Variants in RBPJ observed in about 807,000 individuals in gnomAD.
RBPJ encodes recombining binding protein suppressor of hairless.
Under a neutral mutation model 67.8 loss-of-function variants are expected in RBPJ, and 9 were observed. The ratio of observed to expected loss-of-function variants is 0.13; its 90% CI spans 0.08 to 0.23. The LOEUF (loss-of-function observed/expected upper bound fraction) is 0.23, where lower values mean the gene tolerates loss of function less well. Ranked by LOEUF, RBPJ falls within the 10% of genes least tolerant of loss-of-function variation. RBPJ has a pLI of 1.00. For synonymous variants in RBPJ, 198 were observed against 203.3 expected, an observed-to-expected ratio of 0.97 and a Z score of 0.22; for missense variants, 305 against 595.6, an observed-to-expected ratio of 0.51 and a Z score of 5.08.
intron 1 of RBPJ, among the ~76,000 whole-genome samples, chr4:26,335,572 A>G (rs953940379): frequency 3.4e-5 from 5 of 145,220 alleles, no homozygotes; most frequent in African/African-American, 1.3e-4. Context: ...CTCATAGACT[A>G]TTGTCACAGC....
intron 1 of RBPJ, among the ~76,000 whole-genome samples, chr4:26,212,935 C>G (rs146897291): frequency 1.6e-3 from 251 of 152,240 alleles, no homozygotes; most frequent in African/African-American, 5.8e-3. Flanking sequence ...GGAAGATGAA[C>G]AAGAACTCAT....
intron 1 of RBPJ, among the ~76,000 whole-genome samples, chr4:26,267,658 A>C (rs962735111): frequency 2.0e-4 from 30 of 152,034 alleles, no homozygotes; most frequent in African/African-American, 5.8e-4. Context: ...CCCAGGCTGG[A>C]GTACAGTGGC....
intron 2 of RBPJ, among the ~76,000 whole-genome samples, chr4:26,396,866 T>C (rs1279727045): frequency 6.6e-6 from 1 of 152,214 alleles, no homozygotes; most frequent in Non-Finnish European, 1.5e-5. Flanking sequence ...TACTGTTGTT[T>C]AGCTTTGGTC....
At chr4:26,204,815 T>G (rs1182684233) in intron 1 of RBPJ, among the ~76,000 whole-genome samples, 1 of 152,218 alleles carries the variant, frequency 6.6e-6, no homozygotes. Flanking sequence ...AGACAGTAAG[T>G]GCTCAATAAA....
At chr4:26,194,844 C>T (rs1717693935) in intron 1 of RBPJ, among the ~76,000 whole-genome samples, 1 of 152,134 alleles carries the variant, frequency 6.6e-6, no homozygotes, top group South Asian at 2.1e-4. Flanking sequence ...TCTCTGCTGC[C>T]CTGGTTTTGC....
At chr4:26,418,430 C>T (rs1734804133) in intron 4 of RBPJ, among the ~76,000 whole-genome samples, 6 of 152,094 alleles carry the variant, frequency 3.9e-5, no homozygotes, top group Admixed American at 3.9e-4. Flanking sequence ...ATAAAATTAT[C>T]TTGATTATGA....
chr4:26,282,109 C>T (rs899115522), intron 1 of RBPJ, among the ~76,000 whole-genome samples: 14 of 148,414 alleles, frequency 9.4e-5, no homozygotes, highest in South Asian at 2.1e-4. Context: ...TAAATAATTG[C>T]CTTCATTCGT....
intron 1 of RBPJ, among the ~76,000 whole-genome samples, chr4:26,177,387 G>T (rs1384737265): frequency 6.6e-6 from 1 of 152,044 alleles, no homozygotes; most frequent in Non-Finnish European, 1.5e-5. Flanking sequence ...ACAAGCCTGG[G>T]CAACATGGTG....
At chr4:26,228,704 C>T (rs117742372) in intron 1 of RBPJ, among the ~76,000 whole-genome samples, 76 of 152,306 alleles carry the variant, frequency 5.0e-4, no homozygotes, top group East Asian at 4.4e-3. Flanking sequence ...GGAATTCTCC[C>T]GTAGGGGATA....
chr4:26,260,151 A>G (rs1276943421), intron 1 of RBPJ, among the ~76,000 whole-genome samples: 3 of 152,248 alleles, frequency 2.0e-5, no homozygotes, highest in Non-Finnish European at 4.4e-5. Flanking sequence ...TTTTCATAGT[A>G]TGCATTTTTA....
the RBPJ span, among the ~76,000 whole-genome samples, chr4:26,108,625 G>A: frequency 6.6e-6 from 1 of 152,362 alleles, no homozygotes; most frequent in East Asian, 1.9e-4. Context: ...AGGGTTTATG[G>A]GAGTATTAAA....
chr4:26,209,047 A>G (rs1327145573), intron 1 of RBPJ, among the ~76,000 whole-genome samples: 2 of 151,594 alleles, frequency 1.3e-5, no homozygotes, highest in African/African-American at 4.9e-5. Flanking sequence ...ATTCAGATAT[A>G]AAGACAGTAT....
upstream of RBPJ, chr4:26,320,503 A>C: frequency 2.6e-5 from 12 of 453,490 alleles, no homozygotes; most frequent in Non-Finnish European, 3.6e-5. Context: ...CGCCCAGGGA[A>C]CGTTTGAATG....
At chr4:26,126,879 C>T in the RBPJ span, among the ~76,000 whole-genome samples, 4 of 152,182 alleles carry the variant, frequency 2.6e-5, no homozygotes, top group African/African-American at 9.6e-5. Context: ...AATTTAAGGC[C>T]AGCTGCCATT....
chr4:26,430,408 G>C lies in RBPJ; in HGVS notation c.1045-11G>C. 1.2e-6 allele frequency: 2 copies of C among 1,603,580 alleles called. No homozygotes were observed. The highest frequency in any genetic ancestry group is 1.7e-6 in the Non-Finnish European group (2 of 1,171,032). Reference sequence around the variant, plus strand: ...AGTTTTCTCAGTGTTGTGATTTTCTGTGAATTGCAGTTGAATGGCGGTGGG... The same window carrying C: ...AGTTTTCTCAGTGTTGTGATTTTCTCTGAATTGCAGTTGAATGGCGGTGGG... On this transcript the variant is annotated splice_polypyrimidine_tract_variant and intron_variant, in intron 9 of 10. Coordinates refer to ENST00000355476, the MANE Select transcript of RBPJ (RefSeq NM_015874.6). The surrounding 1 kb of genome is among the most constrained non-coding windows in gnomAD (Gnocchi z 4.1).
Position 26,341,021 on chromosome 4 carries a change from G to A in RBPJ, c.20+19973G>A, listed in dbSNP as rs199792096. 1.4e-4 allele frequency among the ~76,000 whole-genome samples: 21 copies of A among 152,294 alleles called. No homozygotes were observed. The East Asian group carries it at 3.3e-3, about 24-fold the overall frequency. ...GAGACAGCTGGATATAAAGTTTGGA[G>A]TTTAGAAAAGAGGTCAAGGCTGGGA... is the stretch of plus-strand genomic sequence containing the variant. On this transcript the variant is annotated intron_variant, in intron 1 of 10. Transcript: ENST00000355476.
chr4:26,315,647 G>A (rs1396844979), upstream of RBPJ, among the ~76,000 whole-genome samples: 1 of 152,050 alleles, frequency 6.6e-6, no homozygotes, highest in East Asian at 1.9e-4. Flanking sequence ...GCAGAGAACT[G>A]GTCTGACCTC....
intron 1 of RBPJ, among the ~76,000 whole-genome samples, chr4:26,364,613 C>T (rs201875243): frequency 1.8e-3 from 207 of 112,882 alleles, no homozygotes; most frequent in Middle Eastern, 4.6e-3. Context: ...TTTTTTTTTT[C>T]TTTTTCATTT....
At chr4:26,222,308 A>G (rs1718935781) in intron 1 of RBPJ, among the ~76,000 whole-genome samples, 1 of 152,102 alleles carries the variant, frequency 6.6e-6, no homozygotes. Flanking sequence ...AGCCTGGCCA[A>G]CATGGTGAAA....
Sources: allele counts gnomAD v4.1 joint callset (sites outside exome capture counted in the v4.1 genomes callset), GRCh38; gene constraint gnomAD v4.1.1; non-coding constraint Gnocchi (gnomAD v3.1); transcripts MANE v1.5; gene names NCBI Gene and HGNC (gene_info 2026-07-23, HGNC 2026-07-21).